LRRTM3: variants seen among roughly 807,000 people sequenced by gnomAD.
LRRTM3 encodes the protein leucine-rich repeat transmembrane neuronal protein 3.
A neutral mutation model predicts 44.7 loss-of-function variants in LRRTM3; 24 were observed. The ratio of observed to expected loss-of-function variants is 0.54; its 90% CI spans 0.39 to 0.76. The LOEUF is 0.76. Among genes scored for constraint, LRRTM3 ranks in the 30% least tolerant of loss-of-function variants. The pLI is 0.00. For missense variants in LRRTM3, 587 were observed against 702.2 expected (o/e 0.84, Z 1.85); for synonymous variants, 277 against 278.7 (o/e 0.99, Z 0.06).
At chr10:67,078,419 G>A (rs1321864851) in intron 2 of LRRTM3, among the ~76,000 whole-genome samples, 2 of 152,192 alleles carry the variant, frequency 1.3e-5, no homozygotes, top group East Asian at 3.8e-4. Context: ...AAAAATATTT[G>A]AGAGAGGGAC....
At chr10:67,043,510 T>C (rs1053054939) in intron 2 of LRRTM3, among the ~76,000 whole-genome samples, 3 of 152,162 alleles carry the variant, frequency 2.0e-5, no homozygotes, top group South Asian at 2.1e-4. Context: ...TCTTCTAGTA[T>C]AGGGTTTATT....
chr10:66,987,402 G>C (rs548873436), intron 2 of LRRTM3, among the ~76,000 whole-genome samples: 13 of 152,288 alleles, frequency 8.5e-5, no homozygotes, highest in African/African-American at 3.1e-4. Context: ...ATGATTTCTT[G>C]ATGATAGAAT....
chr10:67,089,743 G>GTGTGTGTT (rs1857519816), intron 2 of LRRTM3, among the ~76,000 whole-genome samples: 1 of 151,590 alleles, frequency 6.6e-6, no homozygotes, highest in Non-Finnish European at 1.5e-5. Flanking sequence ...GTGTGTGTGT[G>GTGTGTGTT]TGTGTGTGTG....
chr10:66,968,700 C>T (rs1046927468), intron 2 of LRRTM3, among the ~76,000 whole-genome samples: 2 of 152,014 alleles, frequency 1.3e-5, no homozygotes, highest in Non-Finnish European at 2.9e-5. Context: ...CTTAAAGTTA[C>T]ATTTTTAATA....
chr10:66,932,702 G>T (rs112824712), intron 2 of LRRTM3, among the ~76,000 whole-genome samples: 1 of 16,934 alleles, frequency 5.9e-5, no homozygotes, highest in East Asian at 1.5e-3. Context: ...ATGAATTAAA[G>T]AAATAATAAT....
At chr10:67,075,069 A>T (rs1456829559) in intron 2 of LRRTM3, among the ~76,000 whole-genome samples, 1 of 151,808 alleles carries the variant, frequency 6.6e-6, no homozygotes, top group African/African-American at 2.4e-5. Context: ...TGTTTCCTAG[A>T]GCTGTTTGGT....
intron 2 of LRRTM3, among the ~76,000 whole-genome samples, chr10:67,072,438 G>C (rs1292374085): frequency 6.6e-6 from 1 of 151,926 alleles, no homozygotes; most frequent in African/African-American, 2.4e-5. Flanking sequence ...GTATGTCTAC[G>C]TACTCTTTTA....
At chr10:67,024,867 C>T (rs576680849) in intron 2 of LRRTM3, among the ~76,000 whole-genome samples, 2 of 152,118 alleles carry the variant, frequency 1.3e-5, no homozygotes, top group African/African-American at 2.4e-5. Context: ...GGGTGACTCA[C>T]GCCTGTAAAT....
intron 2 of LRRTM3, among the ~76,000 whole-genome samples, chr10:66,951,555 T>C (rs1209406028): frequency 6.6e-6 from 1 of 152,166 alleles, no homozygotes; most frequent in Non-Finnish European, 1.5e-5. Flanking sequence ...GGCATAGAAA[T>C]TTTAAGTAAT....
chr10:67,066,195 C>CTTTTTTT lies in LRRTM3; in HGVS notation c.1537-31381_1537-31375dup, dbSNP rs71006118. 5.4e-4 allele frequency among the ~76,000 whole-genome samples: 66 copies of CTTTTTTT among 123,058 alleles called. 3 individuals are homozygous for CTTTTTTT. Among genetic ancestry groups the CTTTTTTT allele is most frequent in the African/African-American group, 1.9e-3 (59 of 30,912 alleles). The allele number at this position is 123,058 out of a possible 152,430, so 80.7% of individuals were successfully genotyped here. A position where few individuals can be genotyped will look rare whatever the true frequency, so the allele number is the denominator to read the frequency against. Reference sequence around the variant, plus strand: ...CTGCTGTGCCCACTGAAGTCACTGGCTTTTTTTTTTTTTTTTTGAGACAGT... The same window carrying CTTTTTTT: ...CTGCTGTGCCCACTGAAGTCACTGGCTTTTTTTTTTTTTTTTTTTTTTTTGAGACAGT... On this transcript the variant is annotated intron_variant, in intron 2 of 2. Transcript: ENST00000361320.
intron 2 of LRRTM3, among the ~76,000 whole-genome samples, chr10:67,028,128 T>A (rs1426373562): frequency 1.3e-5 from 2 of 152,322 alleles, no homozygotes; most frequent in African/African-American, 4.8e-5. Flanking sequence ...TCTCTACTGA[T>A]GAGTGTATGC....
intron 2 of LRRTM3, among the ~76,000 whole-genome samples, chr10:66,943,422 T>C (rs1377175705): frequency 6.6e-6 from 1 of 152,096 alleles, no homozygotes; most frequent in Non-Finnish European, 1.5e-5. Context: ...CATCTTTTTA[T>C]GGTATATCTT....
At chr10:66,981,607 T>C (rs1357463745) in intron 2 of LRRTM3, among the ~76,000 whole-genome samples, 1 of 152,262 alleles carries the variant, frequency 6.6e-6, no homozygotes, top group African/African-American at 2.4e-5. Context: ...TGTTTTAATA[T>C]GGCATCTGTG....
At chr10:67,055,772 G>C (rs1045653633) in intron 2 of LRRTM3, among the ~76,000 whole-genome samples, 4 of 152,056 alleles carry the variant, frequency 2.6e-5, no homozygotes, top group Admixed American at 6.6e-5. Flanking sequence ...GTACCTCAAA[G>C]GTTCTTAAAA....
chr10:67,001,323 G>GAAAAAAAA, intron 2 of LRRTM3, among the ~76,000 whole-genome samples: 1 of 147,166 alleles, frequency 6.8e-6, no homozygotes, highest in Non-Finnish European at 1.5e-5. Flanking sequence ...GAAAAAAAAA[G>GAAAAAAAA]AGAAAAAAAT....
intron 2 of LRRTM3, among the ~76,000 whole-genome samples, chr10:66,959,677 G>A (rs1041428056): frequency 6.6e-6 from 1 of 152,146 alleles, no homozygotes; most frequent in Non-Finnish European, 1.5e-5. Context: ...TACTCTCAGT[G>A]CAACTGAACT....
chr10:67,059,017 A>T (rs1855603755), intron 2 of LRRTM3, among the ~76,000 whole-genome samples: 1 of 152,208 alleles, frequency 6.6e-6, no homozygotes, highest in African/African-American at 2.4e-5. Flanking sequence ...AAATTCTGCT[A>T]ATGCAGCCTT....
intron 2 of LRRTM3, among the ~76,000 whole-genome samples, chr10:67,093,455 T>C (rs1254802459): frequency 6.6e-6 from 1 of 151,812 alleles, no homozygotes; most frequent in Non-Finnish European, 1.5e-5. Context: ...AGAGAGAGGT[T>C]ACTGTGAAAA....
chr10:66,938,615 T>C (rs1402938906), intron 2 of LRRTM3, among the ~76,000 whole-genome samples: 2 of 152,144 alleles, frequency 1.3e-5, no homozygotes, highest in Non-Finnish European at 2.9e-5. Flanking sequence ...CGGAAGATAA[T>C]CCACGTGTGA....
Sources: allele counts gnomAD v4.1 joint callset (sites outside exome capture counted in the v4.1 genomes callset), GRCh38; gene constraint gnomAD v4.1.1; transcripts MANE v1.5; gene names NCBI Gene and HGNC (gene_info 2026-07-23, HGNC 2026-07-21).